Variants in ANK2 observed in about 807,000 individuals in gnomAD.
The protein encoded by ANK2 is ankyrin 2, also known as ankyrin-2.
A neutral mutation model predicts 360.5 loss-of-function variants in ANK2; 83 were observed. The observed-to-expected ratio is 0.23, with a 90% CI of 0.19 to 0.28. The LOEUF is 0.28. Ranked by LOEUF, ANK2 falls within the 10% of genes least tolerant of loss-of-function variation. The pLI is 1.00. For missense variants in ANK2, 4,201 were observed against 4,795.7 expected, an observed-to-expected ratio of 0.88 and a Z score of 3.66; for synonymous variants, 1,740 against 1,759.5, an observed-to-expected ratio of 0.99 and a Z score of 0.28.
At chr4:113,187,937 A>G (rs1235876109) in intron 2 of ANK2, among the ~76,000 whole-genome samples, 1 of 152,184 alleles carries the variant, frequency 6.6e-6, no homozygotes, top group Non-Finnish European at 1.5e-5. Flanking sequence ...TTGCATGCCT[A>G]TTACATCCTC....
At chr4:112,759,302 TA>T in the ANK2 span, among the ~76,000 whole-genome samples, 4 of 151,626 alleles carry the variant, frequency 2.6e-5, no homozygotes, top group African/African-American at 9.7e-5. Flanking sequence ...TGCCTGTAAA[TA>T]AAAAAAAATT....
chr4:113,320,691 C>T (rs987612859), intron 26 of ANK2, among the ~76,000 whole-genome samples: 8 of 151,860 alleles, frequency 5.3e-5, no homozygotes, highest in Non-Finnish European at 1.2e-4. Flanking sequence ...AAAACTAGTG[C>T]CCAGGCCTCA....
chr4:113,048,040 A>G (rs2065140716), upstream of ANK2, among the ~76,000 whole-genome samples: 1 of 151,850 alleles, frequency 6.6e-6, no homozygotes, highest in South Asian at 2.1e-4. Flanking sequence ...AAGATTAGCA[A>G]TAGCAACACA....
At chr4:112,830,965 A>C (rs2059585533) in intron 1 of ANK2, among the ~76,000 whole-genome samples, 1 of 152,210 alleles carries the variant, frequency 6.6e-6, no homozygotes, top group East Asian at 1.9e-4. Context: ...GCAGCTGCGG[A>C]GGGTGCCCCG....
At chr4:112,873,235 TC>T (rs1169709952) in intron 1 of ANK2, among the ~76,000 whole-genome samples, 2 of 151,906 alleles carry the variant, frequency 1.3e-5, no homozygotes, top group Admixed American at 1.3e-4. Context: ...ATTTATTATT[TC>T]CTTCCTTCTG....
intron 1 of ANK2, among the ~76,000 whole-genome samples, chr4:112,842,765 C>CT (rs1442742774): frequency 6.6e-6 from 1 of 152,166 alleles, no homozygotes; most frequent in African/African-American, 2.4e-5. Flanking sequence ...CTGGGGACCG[C>CT]TGCCTTAATC....
intron 2 of ANK2, among the ~76,000 whole-genome samples, chr4:112,915,387 A>C (rs2089388243): frequency 6.6e-6 from 1 of 152,216 alleles, no homozygotes; most frequent in South Asian, 2.1e-4. Flanking sequence ...TTAAAGGATA[A>C]GTTCCAAAGA....
intron 2 of ANK2, among the ~76,000 whole-genome samples, chr4:113,032,839 C>CTT (rs1401445460): frequency 4.6e-5 from 7 of 152,012 alleles, no homozygotes; most frequent in Non-Finnish European, 7.4e-5. Context: ...GTAGATAGAT[C>CTT]TTTTCTGAAA....
chr4:113,311,331 A>G lies in ANK2; in HGVS notation c.2625A>G (p.Leu875=). 6.2e-7 allele frequency: 1 copy of G among 1,614,118 alleles called. No individual in the cohort carries two copies. The highest frequency in any genetic ancestry group is 8.5e-7 in the Non-Finnish European group (1 of 1,180,008). The change falls in exon 24 of 46, where the codon CTA becomes CTG. Residue 875 remains leucine (L), a synonymous_variant. Coordinates refer to ENST00000357077, the MANE Select transcript of ANK2 (RefSeq NM_001148.6). ...EDLKELGDDS[L]PSSQFLDGMN... ...TAAAAGAACTGGGTGATGACTCACTACCCAGCAGTCAGTTCCTGGATGGTA... is the reference window on the plus strand; with the variant it reads ...TAAAAGAACTGGGTGATGACTCACTGCCCAGCAGTCAGTTCCTGGATGGTA...
intron 1 of ANK2, among the ~76,000 whole-genome samples, chr4:113,064,594 A>T (rs1384818574): frequency 6.6e-6 from 1 of 152,208 alleles, no homozygotes; most frequent in Non-Finnish European, 1.5e-5. Flanking sequence ...TGCTTTGTGA[A>T]AAAGTACCAA....
chr4:113,097,908 A>G (rs866529061), intron 1 of ANK2, among the ~76,000 whole-genome samples: 1 of 121,180 alleles, frequency 8.3e-6, no homozygotes, highest in Non-Finnish European at 1.7e-5. Context: ...ACACATATAT[A>G]TGTATATATA....
At chr4:113,072,047 C>T (rs1234763326) in intron 1 of ANK2, 1 of 152,198 alleles carries the variant, frequency 6.6e-6, no homozygotes, top group Non-Finnish European at 1.5e-5. Context: ...TCAATTATCT[C>T]CATCTGGTCC....
chr4:113,040,510 C>A (rs2062693447), intron 2 of ANK2, among the ~76,000 whole-genome samples: 1 of 152,020 alleles, frequency 6.6e-6, no homozygotes, highest in South Asian at 2.1e-4. Flanking sequence ...GCTTTAAAAT[C>A]CATCTCAGTG....
At chr4:112,804,309 C>T in the ANK2 span, among the ~76,000 whole-genome samples, 4 of 152,236 alleles carry the variant, frequency 2.6e-5, no homozygotes, top group South Asian at 2.1e-4. Context: ...CGTGAGCCAC[C>T]GTGCCCGGCC....
intron 1 of ANK2, among the ~76,000 whole-genome samples, chr4:113,095,478 C>T (rs1424157669): frequency 6.6e-6 from 1 of 152,030 alleles, no homozygotes; most frequent in Admixed American, 6.5e-5. Flanking sequence ...GAGAGTGTGC[C>T]TGTGATTTGT....
chr4:112,838,803 A>C (rs2061519306), intron 1 of ANK2, among the ~76,000 whole-genome samples: 1 of 152,224 alleles, frequency 6.6e-6, no homozygotes, highest in Non-Finnish European at 1.5e-5. Context: ...TGGGAGGCAG[A>C]GGTTGCCGTG....
chr4:113,379,124 G>A (rs2097075017), intron 45 of ANK2, among the ~76,000 whole-genome samples: 1 of 152,148 alleles, frequency 6.6e-6, no homozygotes, highest in Non-Finnish European at 1.5e-5. Flanking sequence ...GAATTTAAAA[G>A]AGTGTAATTG....
chr4:113,201,604 A>G (rs17445186), intron 4 of ANK2, among the ~76,000 whole-genome samples: 3,365 of 152,358 alleles, frequency 0.022, 54 homozygotes, highest in Middle Eastern at 0.037. Flanking sequence ...TCACCTATAC[A>G]TTGGTGCTGT....
At chr4:113,060,541 T>C (rs1203338466) in intron 1 of ANK2, among the ~76,000 whole-genome samples, 1 of 152,052 alleles carries the variant, frequency 6.6e-6, no homozygotes, top group Non-Finnish European at 1.5e-5. Flanking sequence ...CAAACCCCTG[T>C]GCTATGTGAA....
Sources: allele counts gnomAD v4.1 joint callset (sites outside exome capture counted in the v4.1 genomes callset), GRCh38; gene constraint gnomAD v4.1.1; transcripts MANE v1.5; gene names NCBI Gene and HGNC (gene_info 2026-07-23, HGNC 2026-07-21).